SV2B: variants seen among roughly 807,000 people sequenced by gnomAD.
SV2B encodes the protein synaptic vesicle glycoprotein 2B, also known as solute carrier family 22 member B2.
In SV2B, 41 loss-of-function variants were observed where a neutral mutation model predicts 73.9. That is an observed-to-expected ratio of 0.56 (90% CI 0.43 to 0.72). SV2B has a LOEUF of 0.72. Ranked by LOEUF, SV2B falls within the 30% of genes least tolerant of loss-of-function variation. The probability of loss-of-function intolerance (pLI) is 0.00; values close to 1 mark genes in which losing one functional copy is unlikely to be tolerated. For synonymous variants in SV2B, 314 were observed against 314.2 expected (o/e 1.00, Z 0.01); for missense variants, 764 against 857.8 (o/e 0.89, Z 1.37).
chr15:91,102,970 C>T (rs1031752012), intron 1 of SV2B, among the ~76,000 whole-genome samples: 8 of 152,244 alleles, frequency 5.3e-5, no homozygotes, highest in Middle Eastern at 3.4e-3. Context: ...AAGGAGGCCA[C>T]GGAAGCTGCT....
intron 1 of SV2B, among the ~76,000 whole-genome samples, chr15:91,219,377 A>G (rs1227204009): frequency 2.0e-5 from 3 of 152,262 alleles, no homozygotes; most frequent in African/African-American, 4.8e-5. Flanking sequence ...CTCTCTTCCA[A>G]TAGGAAGCTC....
intron 9 of SV2B, among the ~76,000 whole-genome samples, chr15:91,278,951 TTC>T (rs2048593780): frequency 6.6e-6 from 1 of 152,202 alleles, no homozygotes; most frequent in Non-Finnish European, 1.5e-5. Flanking sequence ...TTTATTTATT[TTC>T]TCCTTAAATG....
rs2269799 is a variant in SV2B at position 91,253,353 on chromosome 15, T to C, written c.784+833T>C. 0.43 allele frequency among the ~76,000 whole-genome samples: 65,504 copies of C among 152,144 alleles called. 17,845 individuals are homozygous for C. Among genetic ancestry groups the C allele is most frequent in the African/African-American group, 0.77 (32,137 of 41,492 alleles). ...GCAGACAGCTGCCCCTGAAGCTGACTGATAGTTTACCACCTATTTATTGTC... is the reference window on the plus strand; with the variant it reads ...GCAGACAGCTGCCCCTGAAGCTGACCGATAGTTTACCACCTATTTATTGTC... On this transcript the variant is annotated intron_variant, in intron 4 of 12. Transcript: ENST00000394232. The surrounding 1 kb of genome is among the most constrained non-coding windows in gnomAD (Gnocchi z 5.0).
At chr15:91,188,091 A>C (rs1481725043) in intron 1 of SV2B, among the ~76,000 whole-genome samples, 4 of 151,912 alleles carry the variant, frequency 2.6e-5, no homozygotes, top group Non-Finnish European at 5.9e-5. Flanking sequence ...TTTATCCATA[A>C]GTTTTTCTAT....
chr15:91,208,135 C>T (rs1056498535), intron 1 of SV2B, among the ~76,000 whole-genome samples: 1 of 152,162 alleles, frequency 6.6e-6, no homozygotes, highest in African/African-American at 2.4e-5. Flanking sequence ...GACAGTCTCA[C>T]CCGCGTCTGT....
In SV2B at chr15:91,258,468, G is replaced by T; in HGVS notation, c.832G>T (p.Val278Leu). ...GTNYHFHSWR[V>L]FVIVCALPCT... is the part of the protein sequence containing the mutation. ...CAATTACCACTTCCATAGCTGGAGAGTGTTTGTCATCGTCTGTGCTCTGCC... is the reference window on the plus strand; with the variant it reads ...CAATTACCACTTCCATAGCTGGAGATTGTTTGTCATCGTCTGTGCTCTGCC... Residue 278 changes from valine (V) to leucine (L), a missense_variant, in exon 5 of 13, where the codon GTG becomes TTG. Val to Leu is a conservative substitution (Grantham distance 32). Coordinates refer to ENST00000394232, the MANE Select transcript of SV2B (RefSeq NM_001323032.3). The surrounding 1 kb of genome is among the most constrained non-coding windows in gnomAD (Gnocchi z 4.7). The T allele has an allele frequency of 6.2e-7, 1 of 1,614,156 alleles. No individual in the cohort carries two copies. Among genetic ancestry groups the T allele is most frequent in the Non-Finnish European group, 8.5e-7 (1 of 1,180,012 alleles).
intron 1 of SV2B, among the ~76,000 whole-genome samples, chr15:91,191,599 G>A (rs1288831031): frequency 6.6e-6 from 1 of 152,132 alleles, no homozygotes; most frequent in Admixed American, 6.6e-5. Context: ...TTTTGGAGTT[G>A]AACTCAGCTC....
rs1008387367 is a variant in SV2B at position 91,153,841 on chromosome 15, C to G, written c.-392+53478C>G. ...GGGGCAGGGGCAGGGGACAGTAACA[C>G]AACATCTGCCAAGAGTCAAGACACA... On this transcript the variant is annotated intron_variant, in intron 1 of 12. Coordinates refer to ENST00000394232, the MANE Select transcript of SV2B (RefSeq NM_001323032.3). Among the ~76,000 whole-genome samples the G allele has an allele frequency of 2.6e-5, 4 of 152,158 alleles. No individual in the cohort carries two copies. The East Asian group carries it at 7.7e-4, about 29-fold the overall frequency.
chr15:91,258,675 C>T lies in SV2B; in HGVS notation c.918+121C>T, dbSNP rs531636984. Reference sequence around the variant, plus strand: ...GCTGCTTATGTGTTGCAAACTCTCCCCTGGTCGGCTGACCTCACTCATCAT... The same window carrying T: ...GCTGCTTATGTGTTGCAAACTCTCCTCTGGTCGGCTGACCTCACTCATCAT... On this transcript the variant is annotated intron_variant, in intron 5 of 12. Transcript: ENST00000394232. This position sits in a 1 kb window ranked among gnomAD's most constrained non-coding sequence, Gnocchi z 4.7. 95 of 1,440,554 alleles carry T rather than the reference C, an allele frequency of 6.6e-5. No homozygotes were observed. Among genetic ancestry groups the T allele is most frequent in the Admixed American group, 5.4e-4 (24 of 44,350 alleles). 89.2% of individuals were successfully genotyped at this position (1,440,554 alleles called of 1,614,324 possible).
chr15:91,219,823 CTACTT>C (rs1325131181), intron 1 of SV2B, among the ~76,000 whole-genome samples: 8 of 152,194 alleles, frequency 5.3e-5, no homozygotes, highest in African/African-American at 1.9e-4. Context: ...AACCACTAAT[CTACTT>C]TCTTTCTATG....
chr15:91,225,085 A>G (rs2046330455), intron 1 of SV2B, among the ~76,000 whole-genome samples: 1 of 152,234 alleles, frequency 6.6e-6, no homozygotes, highest in Non-Finnish European at 1.5e-5. Flanking sequence ...ATTAAGTACT[A>G]TTGTTATCCC....
chr15:91,173,374 G>T (rs185375670), intron 1 of SV2B, among the ~76,000 whole-genome samples: 1 of 152,162 alleles, frequency 6.6e-6, no homozygotes, highest in Admixed American at 6.5e-5. Flanking sequence ...TTCTTGCTGC[G>T]TTGGAAGCCA....
intron 11 of SV2B, among the ~76,000 whole-genome samples, chr15:91,287,030 G>A (rs34540818): frequency 0.02 from 3,094 of 152,280 alleles, 65 homozygotes; most frequent in East Asian, 0.095. Flanking sequence ...AGGGATGCAT[G>A]CATGTAGAGG....
At chr15:91,275,747 AC>A (rs1303426189) in intron 9 of SV2B, among the ~76,000 whole-genome samples, 1 of 152,118 alleles carries the variant, frequency 6.6e-6, no homozygotes, top group Non-Finnish European at 1.5e-5. Flanking sequence ...AATTACTTGA[AC>A]CTGGAAGGTG....
In SV2B at chr15:91,239,765, C is replaced by T. The variant is rs2046931848; in HGVS notation, c.452-12054C>T. On this transcript the variant is annotated intron_variant, in intron 2 of 12. Coordinates refer to ENST00000394232, the MANE Select transcript of SV2B (RefSeq NM_001323032.3). The surrounding 1 kb of genome is among the most constrained non-coding windows in gnomAD (Gnocchi z 5.1). ...ATAAAGATACTCATTATTTATTGAT[C>T]AAGAATTTTCAAAGTAGGTGGTACC... 6.6e-6 allele frequency among the ~76,000 whole-genome samples: 1 copy of T among 152,120 alleles called. No individual in the cohort carries two copies. The highest frequency in any genetic ancestry group is 2.4e-5 in the African/African-American group (1 of 41,432).
intron 1 of SV2B, among the ~76,000 whole-genome samples, chr15:91,184,119 C>A (rs1339556041): frequency 6.6e-6 from 1 of 152,166 alleles, no homozygotes; most frequent in East Asian, 1.9e-4. Flanking sequence ...GAATACATTT[C>A]TTATTCATCT....
Position 91,132,386 on chromosome 15 carries a change from T to C in SV2B, c.-392+32023T>C, listed in dbSNP as rs1000090759. 2.0e-5 allele frequency among the ~76,000 whole-genome samples: 3 copies of C among 152,120 alleles called. No individual in the cohort carries two copies. Among genetic ancestry groups the C allele is most frequent in the African/African-American group, 7.2e-5 (3 of 41,420 alleles). On this transcript the variant is annotated intron_variant, in intron 1 of 12. Transcript: ENST00000394232. This position sits in a 1 kb window ranked among gnomAD's most constrained non-coding sequence, Gnocchi z 4.6. ...ATTGGTTGCAAAAACAATCAGGGGT[T>C]AGGGTGAAGTAAAGTTATACTTCTA... is the stretch of plus-strand genomic sequence containing the variant.
intron 9 of SV2B, among the ~76,000 whole-genome samples, chr15:91,279,683 A>T (rs7167433): frequency 1.3e-5 from 2 of 152,212 alleles, no homozygotes; most frequent in African/African-American, 4.8e-5. Context: ...GCCTTCTCAG[A>T]CACCCTGGGA....
At chr15:91,272,846 T>G (rs1371777579) in intron 9 of SV2B, among the ~76,000 whole-genome samples, 1 of 146,658 alleles carries the variant, frequency 6.8e-6, no homozygotes, top group African/African-American at 2.5e-5. Flanking sequence ...TTTTTTTTTT[T>G]TTTTTTGATG....
Sources: gnomAD v4.1 joint callset for allele counts (sites outside exome capture counted in the v4.1 genomes callset) on GRCh38, gnomAD v4.1.1 for gene constraint, Gnocchi (gnomAD v3.1) non-coding constraint, MANE v1.5 for transcripts, NCBI Gene and HGNC (gene_info 2026-07-23, HGNC 2026-07-21) for gene names.